Variants in CASP9 observed in about 807,000 individuals in gnomAD.
The protein encoded by CASP9 is caspase 9, also known as caspase-9.
A neutral mutation model predicts 43.5 loss-of-function variants in CASP9; 29 were observed. The ratio of observed to expected loss-of-function variants is 0.67; its 90% CI spans 0.50 to 0.91. The LOEUF (loss-of-function observed/expected upper bound fraction) is 0.91, where lower values mean the gene tolerates loss of function less well. Among genes scored for constraint, CASP9 ranks in the 40% least tolerant of loss-of-function variants. The pLI, the probability that CASP9 is intolerant of heterozygous loss-of-function variation, is 0.00. For synonymous variants in CASP9, 206 were observed against 211.9 expected, an observed-to-expected ratio of 0.97 and a Z score of 0.24; for missense variants, 575 against 537.4, an observed-to-expected ratio of 1.07 and a Z score of -0.69.
chr1:15,522,451 C>T (rs946236999), intron 1 of CASP9, among the ~76,000 whole-genome samples: 21 of 152,192 alleles, frequency 1.4e-4, no homozygotes, highest in Admixed American at 1.0e-3. Context: ...GGTACAGTGG[C>T]TCACACCTGT....
intron 6 of CASP9, among the ~76,000 whole-genome samples, chr1:15,500,439 T>C (rs1450886319): frequency 6.6e-6 from 1 of 152,136 alleles, no homozygotes; most frequent in Non-Finnish European, 1.5e-5. Flanking sequence ...AACCCCATAA[T>C]AGTAACACCA....
At chr1:15,516,350 G>A (rs947504344) in intron 2 of CASP9, among the ~76,000 whole-genome samples, 1 of 151,596 alleles carries the variant, frequency 6.6e-6, no homozygotes, top group Admixed American at 6.6e-5. Context: ...AAATTAGCCA[G>A]GCCTGGTGGC....
intron 8 of CASP9, chr1:15,493,359 G>T: frequency 8.1e-7 from 1 of 1,239,712 alleles, no homozygotes; most frequent in East Asian, 3.7e-5. Flanking sequence ...GCCTCCCAAG[G>T]CAGCCACAAG....
upstream of CASP9, chr1:15,524,288 C>T: frequency 6.8e-7 from 1 of 1,473,952 alleles, no homozygotes; most frequent in Non-Finnish European, 8.9e-7. Context: ...CGCCCCCGCC[C>T]CAGGGCCTGC....
At chr1:15,510,392 A>G (rs1459181756) in intron 2 of CASP9, among the ~76,000 whole-genome samples, 3 of 152,264 alleles carry the variant, frequency 2.0e-5, no homozygotes, top group African/African-American at 7.2e-5. Context: ...CATCCCATTC[A>G]CATCCCATTT....
chr1:15,501,702 T>C (rs922735885), intron 6 of CASP9, among the ~76,000 whole-genome samples: 9 of 152,232 alleles, frequency 5.9e-5, no homozygotes, highest in African/African-American at 2.2e-4. Flanking sequence ...ATCTTGCTGT[T>C]TTCTGTGAGT....
intron 8 of CASP9, chr1:15,493,585 T>C (rs1570819957): frequency 7.0e-7 from 1 of 1,428,894 alleles, no homozygotes; most frequent in East Asian, 2.5e-5. Context: ...CTTCAGGGTC[T>C]GGACAGAGCC....
intron 2 of CASP9, among the ~76,000 whole-genome samples, chr1:15,514,403 C>T (rs145684554): frequency 6.6e-6 from 1 of 152,306 alleles, no homozygotes; most frequent in Admixed American, 6.5e-5. Context: ...CTTTGTGGGT[C>T]ACCATGAAAC....
chr1:15,502,595 G>A (rs1709366933), intron 6 of CASP9, among the ~76,000 whole-genome samples: 1 of 152,200 alleles, frequency 6.6e-6, no homozygotes, highest in Admixed American at 6.5e-5. Flanking sequence ...GGAAGGTGAA[G>A]TGGCAGGGGC....
intron 2 of CASP9, among the ~76,000 whole-genome samples, chr1:15,511,257 TG>T (rs1709741084): frequency 6.6e-6 from 1 of 152,172 alleles, no homozygotes; most frequent in East Asian, 1.9e-4. Context: ...CTTTTTGTTT[TG>T]TTTTGTTTTT....
At chr1:15,511,326 A>T (rs1387973003) in intron 2 of CASP9, among the ~76,000 whole-genome samples, 1 of 151,834 alleles carries the variant, frequency 6.6e-6, no homozygotes, top group Non-Finnish European at 1.5e-5. Flanking sequence ...ATCTCAACTC[A>T]TTGCAAACTT....
At chr1:15,500,323 C>T (rs180861268) in intron 6 of CASP9, among the ~76,000 whole-genome samples, 3 of 152,206 alleles carry the variant, frequency 2.0e-5, no homozygotes, top group East Asian at 1.9e-4. Flanking sequence ...GTGCTGTGGC[C>T]GCAACGCAGG....
chr1:15,504,562 G>T (rs1709445389), intron 6 of CASP9, 49 bp downstream of exon 6: 2 of 1,554,012 alleles, frequency 1.3e-6, no homozygotes, highest in Non-Finnish European at 1.7e-6. Flanking sequence ...GCAGGTGGCG[G>T]CTCCCTCCCC....
chr1:15,505,610 C>A (rs1035818155), intron 5 of CASP9, among the ~76,000 whole-genome samples: 1 of 152,132 alleles, frequency 6.6e-6, no homozygotes, highest in South Asian at 2.1e-4. Context: ...CCCCAGTGGG[C>A]CTGGTGTCCT....
upstream of CASP9, chr1:15,524,617 C>A: frequency 9.7e-7 from 1 of 1,032,948 alleles, no homozygotes; most frequent in Non-Finnish European, 1.2e-6. Flanking sequence ...GTTACCGTCC[C>A]GCCCGCAGGA....
At chr1:15,507,847 C>A in intron 3 of CASP9, 26 bp downstream of exon 3, 1 of 1,613,438 alleles carries the variant, frequency 6.2e-7, no homozygotes, top group Non-Finnish European at 8.5e-7. Context: ...GCCCGAGCTA[C>A]TGGCCCAAAT....
rs180996737 is a variant in CASP9, at chr1:15,510,475, C to T, written c.419-2568G>A. ...ACAGACTTCATTCTGAGAACATTTG[C>T]TCATTTCCAAAATTCCGCTGTACCC... On this transcript the variant is annotated intron_variant, in intron 2 of 8. Coordinates refer to ENST00000333868, the MANE Select transcript of CASP9 (RefSeq NM_001229.5). 2.6e-5 allele frequency among the ~76,000 whole-genome samples: 4 copies of T among 152,288 alleles called. No individual in the cohort carries two copies. The East Asian group carries it at 7.7e-4, about 29-fold the overall frequency.
chr1:15,510,305 A>C (rs1450020839), intron 2 of CASP9, among the ~76,000 whole-genome samples: 2 of 152,180 alleles, frequency 1.3e-5, no homozygotes, highest in Non-Finnish European at 2.9e-5. Flanking sequence ...CTCCTGTTCC[A>C]ATAACAGTGC....
chr1:15,506,546 T>A (rs1400641580), intron 4 of CASP9, among the ~76,000 whole-genome samples: 1 of 151,994 alleles, frequency 6.6e-6, no homozygotes, highest in Non-Finnish European at 1.5e-5. Context: ...AGTACCGAAG[T>A]GCTGACAGTC....
Sources: allele counts gnomAD v4.1 joint callset (sites outside exome capture counted in the v4.1 genomes callset), GRCh38; gene constraint gnomAD v4.1.1; transcripts MANE v1.5; gene names NCBI Gene and HGNC (gene_info 2026-07-23, HGNC 2026-07-21).